The following SLC24A3 variants were observed in gnomAD, a reference collection of about 807,000 sequenced individuals.
The protein encoded by SLC24A3 is sodium/potassium/calcium exchanger 3.
In SLC24A3, 28 loss-of-function variants were observed where a neutral mutation model predicts 75.8. That is an observed-to-expected ratio of 0.37 (90% CI 0.27 to 0.51). The LOEUF is 0.51. Among genes scored for constraint, SLC24A3 ranks in the 20% least tolerant of loss-of-function variants. The probability of loss-of-function intolerance (pLI) is 0.94; values close to 1 mark genes in which losing one functional copy is unlikely to be tolerated. For synonymous variants in SLC24A3, 372 were observed against 334.1 expected (o/e 1.11, Z -1.24); for missense variants, 663 against 847.8 (o/e 0.78, Z 2.71).
At chr20:19,299,009 C>A (rs1984128509) in intron 2 of SLC24A3, among the ~76,000 whole-genome samples, 1 of 152,148 alleles carries the variant, frequency 6.6e-6, no homozygotes, top group South Asian at 2.1e-4. Flanking sequence ...TAAAAGACTG[C>A]AGGTGCTGGC....
chr20:19,677,694 T>TC (rs1478539922), intron 9 of SLC24A3, among the ~76,000 whole-genome samples: 3 of 131,054 alleles, frequency 2.3e-5, no homozygotes, highest in Non-Finnish European at 3.5e-5. Context: ...TTCTTTTTTT[T>TC]TTTTTTTTTT....
chr20:19,555,507 T>A (rs564386311), intron 3 of SLC24A3, among the ~76,000 whole-genome samples: 1 of 152,260 alleles, frequency 6.6e-6, no homozygotes, highest in Admixed American at 6.5e-5. Context: ...TGGTAGACAA[T>A]CCCTGGATTA....
At chr20:19,480,280 TC>T (rs1389672242) in intron 2 of SLC24A3, among the ~76,000 whole-genome samples, 2 of 152,150 alleles carry the variant, frequency 1.3e-5, no homozygotes, top group Non-Finnish European at 2.9e-5. Flanking sequence ...ATTTCACCTC[TC>T]TGGGGCTGTT....
chr20:19,227,314 A>G (rs1396882129), intron 1 of SLC24A3, among the ~76,000 whole-genome samples: 1 of 150,808 alleles, frequency 6.6e-6, no homozygotes, highest in African/African-American at 2.4e-5. Flanking sequence ...TAATGAGTTA[A>G]TAGTGTTTTT....
chr20:19,369,907 G>A (rs6112328), intron 2 of SLC24A3, among the ~76,000 whole-genome samples: 68,937 of 151,818 alleles, frequency 0.45, 15,837 homozygotes, highest in Middle Eastern at 0.59. Context: ...GGCTCAAGCA[G>A]TCCTCCCACT....
chr20:19,405,693 G>A (rs945013791), intron 2 of SLC24A3, among the ~76,000 whole-genome samples: 3 of 152,178 alleles, frequency 2.0e-5, no homozygotes, highest in African/African-American at 4.8e-5. Context: ...TTTCAGTGCT[G>A]TTTCCAACCA....
At chr20:19,397,729 A>C (rs1432949111) in intron 2 of SLC24A3, among the ~76,000 whole-genome samples, 1 of 150,986 alleles carries the variant, frequency 6.6e-6, no homozygotes, top group Non-Finnish European at 1.5e-5. Context: ...GGCTGTTAAA[A>C]TAGCCAGACT....
chr20:19,716,433 G>A lies in SLC24A3; in HGVS notation c.1720-1095G>A, dbSNP rs187015514. Among the ~76,000 whole-genome samples, 746 of 150,102 alleles carry A rather than the reference G, an allele frequency of 5.0e-3. 4 individuals are homozygous for A. The highest frequency in any genetic ancestry group is 0.024 in the Middle Eastern group (7 of 290). ...ATTAAAACTGTTTCTTTTTTTTTCA[G>A]TTGCATGAGACACATTTCAAATGCC... On this transcript the variant is annotated intron_variant, in intron 15 of 16. Coordinates refer to ENST00000328041, the MANE Select transcript of SLC24A3 (RefSeq NM_020689.4).
chr20:19,639,006 C>T (rs576405162), intron 6 of SLC24A3, among the ~76,000 whole-genome samples: 1 of 152,232 alleles, frequency 6.6e-6, no homozygotes, highest in African/African-American at 2.4e-5. Flanking sequence ...GGAAGGGGAC[C>T]CCAGTGGGTT....
At chr20:19,655,243 T>C (rs1291613497) in intron 7 of SLC24A3, among the ~76,000 whole-genome samples, 1 of 152,150 alleles carries the variant, frequency 6.6e-6, no homozygotes, top group Non-Finnish European at 1.5e-5. Context: ...ACTCCCCGCT[T>C]CTCTCCACCC....
In SLC24A3 at chr20:19,663,436, C is replaced by CCA. The variant is rs1568689586; in HGVS notation, c.688-2427_688-2426insAC. On this transcript the variant is annotated intron_variant, in intron 7 of 16. Coordinates refer to ENST00000328041, the MANE Select transcript of SLC24A3 (RefSeq NM_020689.4). ...TCCTCCTCCTCCTCCTCCTCCTCCG[C>CCA]CTTCTCATCCTCCTCCACTTCCTCC... Among the ~76,000 whole-genome samples, 9 of 14,574 alleles carry CCA rather than the reference C, an allele frequency of 6.2e-4. 1 individual carries two copies. Among genetic ancestry groups the CCA allele is most frequent in the Middle Eastern group, 0.024 (1 of 42 alleles). The allele number at this position is 14,574 out of a possible 152,430, so 9.6% of individuals were successfully genotyped here.
chr20:19,478,982 G>A (rs868384455), intron 2 of SLC24A3, among the ~76,000 whole-genome samples: 130 of 152,320 alleles, frequency 8.5e-4, no homozygotes, highest in African/African-American at 3.0e-3. Context: ...GTTCTCACAC[G>A]GGCTGTGGAA....
At chr20:19,387,299 G>T (rs6046044) in intron 2 of SLC24A3, among the ~76,000 whole-genome samples, 20,911 of 151,600 alleles carry the variant, frequency 0.14, 2,164 homozygotes, top group East Asian at 0.33. Flanking sequence ...TTTGTTTTAT[G>T]TATCTTTTTA....
intron 6 of SLC24A3, among the ~76,000 whole-genome samples, chr20:19,611,641 A>C (rs1205487210): frequency 1.3e-5 from 2 of 152,228 alleles, no homozygotes; most frequent in African/African-American, 4.8e-5. Context: ...CATCTTCCAG[A>C]ATGGAAATCA....
At chr20:19,217,213 A>G (rs1417054641) in intron 1 of SLC24A3, among the ~76,000 whole-genome samples, 11 of 152,236 alleles carry the variant, frequency 7.2e-5, no homozygotes, top group Non-Finnish European at 5.9e-5. Flanking sequence ...AAGCAGCGTT[A>G]GATGTCAGCC....
At chr20:19,238,712 C>T (rs1350728132) in intron 1 of SLC24A3, among the ~76,000 whole-genome samples, 4 of 152,174 alleles carry the variant, frequency 2.6e-5, no homozygotes, top group Non-Finnish European at 5.9e-5. Context: ...TTGCCAGTGC[C>T]CTGGCATCCT....
rs11471623 is a variant in SLC24A3, at chr20:19,592,793, C to CTTTTT, written c.612+7252_612+7253insTTTTT. 3.5e-3 allele frequency among the ~76,000 whole-genome samples: 415 copies of CTTTTT among 119,438 alleles called. 4 individuals carry two copies. The highest frequency in any genetic ancestry group is 4.9e-3 in the Non-Finnish European group (287 of 58,472). 78.4% of individuals were successfully genotyped at this position (119,438 alleles called of 152,430 possible). A position where few individuals can be genotyped will look rare whatever the true frequency, so the allele number is the denominator to read the frequency against. ...TCTTCGGCAAAAATTTTCTTTCTTT[C>CTTTTT]TTTCTTTTTTTTTTTTTTTTGAGAT... On this transcript the variant is annotated intron_variant, in intron 6 of 16. Coordinates refer to ENST00000328041, the MANE Select transcript of SLC24A3 (RefSeq NM_020689.4).
chr20:19,565,311 A>G lies in SLC24A3; in HGVS notation c.349-14689A>G, dbSNP rs1210817250. On this transcript the variant is annotated intron_variant, in intron 3 of 16. Coordinates refer to ENST00000328041, the MANE Select transcript of SLC24A3 (RefSeq NM_020689.4). ...CTGTGTGCTTTGCTACGAATGTTTCACCCCTACAACCTTCAATGAACTACC... is the reference window on the plus strand; with the variant it reads ...CTGTGTGCTTTGCTACGAATGTTTCGCCCCTACAACCTTCAATGAACTACC... Among the ~76,000 whole-genome samples the G allele has an allele frequency of 5.3e-5, 8 of 150,810 alleles. No homozygotes were observed. The East Asian group carries it at 1.6e-3, about 30-fold the overall frequency.
chr20:19,712,964 G>A (rs2033006442), intron 15 of SLC24A3, among the ~76,000 whole-genome samples: 1 of 152,252 alleles, frequency 6.6e-6, no homozygotes, highest in Non-Finnish European at 1.5e-5. Context: ...CCTCAGGCAA[G>A]GCTTACAGAA....
Sources: allele counts gnomAD v4.1 joint callset (sites outside exome capture counted in the v4.1 genomes callset), GRCh38; gene constraint gnomAD v4.1.1; transcripts MANE v1.5; gene names NCBI Gene and HGNC (gene_info 2026-07-23, HGNC 2026-07-21).